Variants in TACR3 observed in about 807,000 individuals in gnomAD.
TACR3 encodes tachykinin receptor 3.
A neutral mutation model predicts 35.0 loss-of-function variants in TACR3; 34 were observed. The observed-to-expected ratio is 0.97, with a 90% CI of 0.74 to 1.30. TACR3 has a LOEUF of 1.30. TACR3 is among the 50% of genes most tolerant of loss of function. The pLI is 0.00. For synonymous variants in TACR3, 233 were observed against 221.1 expected (o/e 1.05, Z -0.48); for missense variants, 558 against 591.7 (o/e 0.94, Z 0.59).
intron 3 of TACR3, among the ~76,000 whole-genome samples, chr4:103,650,579 A>T (rs1295328781): frequency 8.2e-6 from 1 of 122,226 alleles, no homozygotes; most frequent in African/African-American, 3.1e-5. Flanking sequence ...TATAAAATAA[A>T]TTTAATAAAA....
At chr4:103,622,610 T>C (rs1480042096) in intron 3 of TACR3, among the ~76,000 whole-genome samples, 1 of 152,114 alleles carries the variant, frequency 6.6e-6, no homozygotes, top group Admixed American at 6.5e-5. Context: ...GTGCCTGTAG[T>C]CCCAGCTGCT....
At position 103,627,352 on chromosome 4, in the gene TACR3, T is replaced by TAA. The variant is rs869215834; in HGVS notation, c.888+28840_888+28841dup. On this transcript the variant is annotated intron_variant, in intron 3 of 4. Coordinates refer to ENST00000304883, the MANE Select transcript of TACR3 (RefSeq NM_001059.3). ...CAACATGGTGAAACTGTGTTTCCAT[T>TAA]AAAAAAAAAAAAAAAAAAAAAAAAA... Among the ~76,000 whole-genome samples the TAA allele has an allele frequency of 3.5e-3, 286 of 82,460 alleles. 3 individuals are homozygous for TAA. Among genetic ancestry groups the TAA allele is most frequent in the African/African-American group, 0.013 (262 of 20,740 alleles). 54.1% of individuals were successfully genotyped at this position (82,460 alleles called of 152,430 possible).
chr4:103,697,605 T>C (rs1177094487), intron 1 of TACR3, among the ~76,000 whole-genome samples: 2 of 152,030 alleles, frequency 1.3e-5, no homozygotes, highest in East Asian at 3.9e-4. Flanking sequence ...TTTGTATTTT[T>C]AGTAGAGATG....
intron 1 of TACR3, among the ~76,000 whole-genome samples, chr4:103,718,242 A>C (rs1031962654): frequency 3.7e-4 from 56 of 152,238 alleles, no homozygotes; most frequent in African/African-American, 1.3e-3. Flanking sequence ...TTCAAGTTAA[A>C]GTGAAATCAC....
At chr4:103,660,120 T>C (rs369993467) in intron 1 of TACR3, among the ~76,000 whole-genome samples, 129 of 152,188 alleles carry the variant, frequency 8.5e-4, no homozygotes, top group Middle Eastern at 3.4e-3. Context: ...TTTGTTGTTG[T>C]AACTACTGGG....
At chr4:103,604,516 C>T (rs1724300297) in intron 3 of TACR3, among the ~76,000 whole-genome samples, 1 of 152,102 alleles carries the variant, frequency 6.6e-6, no homozygotes, top group African/African-American at 2.4e-5. Context: ...AAAGCAATGG[C>T]AACAAAAGCC....
intron 3 of TACR3, among the ~76,000 whole-genome samples, chr4:103,597,149 T>G (rs1226330715): frequency 3.5e-5 from 5 of 144,338 alleles, no homozygotes; most frequent in Admixed American, 1.4e-4. Context: ...ATGGTATTTC[T>G]AGTTCTAGTT....
intron 3 of TACR3, among the ~76,000 whole-genome samples, chr4:103,608,736 C>G (rs532099823): frequency 2.0e-5 from 3 of 151,992 alleles, no homozygotes; most frequent in Non-Finnish European, 4.4e-5. Flanking sequence ...AGAGTATGAG[C>G]AAATGGATTC....
intron 3 of TACR3, among the ~76,000 whole-genome samples, chr4:103,655,889 A>G (rs1725724107): frequency 6.6e-6 from 1 of 152,084 alleles, no homozygotes; most frequent in African/African-American, 2.4e-5. Context: ...TAGAGTTGCA[A>G]AAATACAATC....
chr4:103,627,352 TAAAAAAA>T (rs869215834), intron 3 of TACR3, among the ~76,000 whole-genome samples: 17 of 82,492 alleles, frequency 2.1e-4, no homozygotes, highest in African/African-American at 3.4e-4. Flanking sequence ...GTGTTTCCAT[TAAAAAAA>T]AAAAAAAAAA....
intron 1 of TACR3, among the ~76,000 whole-genome samples, chr4:103,663,413 G>T (rs2110332934): frequency 6.6e-6 from 1 of 152,322 alleles, no homozygotes. Context: ...AGCATCTCTT[G>T]AGCCTGGCAG....
intron 3 of TACR3, among the ~76,000 whole-genome samples, chr4:103,627,150 C>A (rs1298894058): frequency 7.9e-6 from 1 of 126,682 alleles, no homozygotes; most frequent in African/African-American, 3.0e-5. Flanking sequence ...CCATTGCATT[C>A]CAGCCCAAGT....
chr4:103,712,197 T>A lies in TACR3; in HGVS notation c.548+6931A>T, dbSNP rs1016569133. Among the ~76,000 whole-genome samples, 28 of 152,186 alleles carry A rather than the reference T, an allele frequency of 1.8e-4. No homozygotes were observed. In the East Asian group the frequency reaches 2.5e-3, roughly 14 times the overall value. On this transcript the variant is annotated intron_variant, in intron 1 of 4. Coordinates refer to ENST00000304883, the MANE Select transcript of TACR3 (RefSeq NM_001059.3). ...GAGCCCGCGTTGCCAAGTCAATCCT[T>A]AGCCAAAAGAACAAAGCTGGAGGCA...
At chr4:103,703,192 C>T (rs1420397020) in intron 1 of TACR3, among the ~76,000 whole-genome samples, 2 of 151,988 alleles carry the variant, frequency 1.3e-5, no homozygotes, top group Non-Finnish European at 2.9e-5. Flanking sequence ...TAAAAGTGTT[C>T]ATTTTAATTA....
intron 3 of TACR3, among the ~76,000 whole-genome samples, chr4:103,650,677 T>TAATA (rs374909113): frequency 1.3e-4 from 2 of 15,908 alleles, no homozygotes; most frequent in African/African-American, 3.9e-4. Context: ...TAAATATATA[T>TAATA]TATATCATAT....
intron 1 of TACR3, 91 bp downstream of exon 1, chr4:103,719,037 T>G: frequency 6.5e-7 from 1 of 1,546,870 alleles, no homozygotes; most frequent in Non-Finnish European, 8.8e-7. Context: ...ATAGACCCCG[T>G]TACGTTACTA....
chr4:103,621,204 G>C (rs1560810038), intron 3 of TACR3, among the ~76,000 whole-genome samples: 2 of 152,184 alleles, frequency 1.3e-5, no homozygotes, highest in Non-Finnish European at 2.9e-5. Flanking sequence ...TTGAAAAGCA[G>C]TGGGGGAAAG....
intron 2 of TACR3, among the ~76,000 whole-genome samples, chr4:103,657,953 T>G (rs954418964): frequency 8.4e-5 from 12 of 142,484 alleles, no homozygotes; most frequent in African/African-American, 2.7e-4. Context: ...TGCTTTTATC[T>G]TTTATCACTT....
At chr4:103,608,123 A>T (rs1232010770) in intron 3 of TACR3, among the ~76,000 whole-genome samples, 2 of 152,100 alleles carry the variant, frequency 1.3e-5, no homozygotes, top group Non-Finnish European at 2.9e-5. Context: ...GTTCGTTACC[A>T]CGCTATTCAC....
Sources: gnomAD v4.1 joint callset for allele counts (sites outside exome capture counted in the v4.1 genomes callset) on GRCh38, gnomAD v4.1.1 for gene constraint, MANE v1.5 for transcripts, NCBI Gene and HGNC (gene_info 2026-07-23, HGNC 2026-07-21) for gene names.